Variants in LINGO2 observed in about 807,000 individuals in gnomAD.
The protein encoded by LINGO2 is leucine-rich repeat and immunoglobulin-like domain-containing nogo receptor-interacting protein 2.
In LINGO2, 14 loss-of-function variants were observed where a neutral mutation model predicts 30.6. That is an observed-to-expected ratio of 0.46 (90% confidence interval 0.30 to 0.72). The LOEUF (loss-of-function observed/expected upper bound fraction) is 0.72. LINGO2 is among the 30% of genes least tolerant of loss of function. LINGO2 has a pLI of 0.07. For missense variants in LINGO2, 729 were observed against 751.7 expected (o/e 0.97, Z 0.35); for synonymous variants, 317 against 288.5 (o/e 1.10, Z -1.00).
intron 5 of LINGO2, among the ~76,000 whole-genome samples, chr9:27,972,830 A>G (rs1229682241): frequency 1.3e-5 from 2 of 152,214 alleles, no homozygotes; most frequent in African/African-American, 4.8e-5. Context: ...ATACAAAATT[A>G]AACATCTAAG....
At chr9:28,835,677 C>CTG in the LINGO2 span, among the ~76,000 whole-genome samples, 1 of 152,178 alleles carries the variant, frequency 6.6e-6, no homozygotes, top group Non-Finnish European at 1.5e-5. Flanking sequence ...CCTATTTTGC[C>CTG]TGTCCAGCTT....
At chr9:28,532,945 T>C (rs780813092) in intron 1 of LINGO2, among the ~76,000 whole-genome samples, 9 of 152,258 alleles carry the variant, frequency 5.9e-5, no homozygotes, top group Middle Eastern at 3.4e-3. Context: ...GTTGATGACA[T>C]ACTTGGCTCT....
chr9:29,186,614 T>C, the LINGO2 span, among the ~76,000 whole-genome samples: 1 of 152,148 alleles, frequency 6.6e-6, no homozygotes, highest in African/African-American at 2.4e-5. Flanking sequence ...GACCTGCATT[T>C]GCACTAAGAT....
chr9:28,611,484 C>T (rs1825913869), intron 1 of LINGO2, among the ~76,000 whole-genome samples: 1 of 152,190 alleles, frequency 6.6e-6, no homozygotes, highest in South Asian at 2.1e-4. Flanking sequence ...ATCTCCAGAA[C>T]TTACTCATCC....
intron 4 of LINGO2, among the ~76,000 whole-genome samples, chr9:28,285,863 T>C (rs1564096084): frequency 6.6e-6 from 1 of 152,142 alleles, no homozygotes; most frequent in Non-Finnish European, 1.5e-5. Flanking sequence ...TTCTAATAAA[T>C]TCTACCCAGT....
chr9:28,426,802 G>T (rs1823433072), intron 2 of LINGO2, among the ~76,000 whole-genome samples: 1 of 151,912 alleles, frequency 6.6e-6, no homozygotes, highest in Admixed American at 6.6e-5. Flanking sequence ...AGCATTTCTG[G>T]TTGTTTTTAG....
the LINGO2 span, among the ~76,000 whole-genome samples, chr9:29,084,153 A>G: frequency 6.6e-6 from 1 of 151,684 alleles, no homozygotes; most frequent in South Asian, 2.1e-4. Flanking sequence ...TCAATTCATG[A>G]CAAAGGTGTC....
At chr9:28,370,130 C>T (rs1185092202) in intron 3 of LINGO2, among the ~76,000 whole-genome samples, 1 of 152,138 alleles carries the variant, frequency 6.6e-6, no homozygotes, top group Non-Finnish European at 1.5e-5. Flanking sequence ...TATTCCTAAT[C>T]TTTCTTCTGT....
chr9:28,397,647 A>C (rs1261447610), intron 2 of LINGO2, among the ~76,000 whole-genome samples: 1 of 144,828 alleles, frequency 6.9e-6, no homozygotes, highest in African/African-American at 2.6e-5. Context: ...TCCCGGGTTC[A>C]CACCATTCTC....
chr9:28,855,995 A>G, the LINGO2 span, among the ~76,000 whole-genome samples: 289 of 152,116 alleles, frequency 1.9e-3, 1 homozygote, highest in African/African-American at 6.4e-3. Context: ...TGAAAGCAAG[A>G]TAACTGGGAG....
chr9:29,018,715 T>C, the LINGO2 span, among the ~76,000 whole-genome samples: 20 of 152,152 alleles, frequency 1.3e-4, no homozygotes, highest in Non-Finnish European at 2.5e-4. Context: ...CTCTTAACCA[T>C]ATTTTATGCA....
intron 4 of LINGO2, among the ~76,000 whole-genome samples, chr9:28,061,290 G>C (rs1825135704): frequency 6.7e-6 from 1 of 150,164 alleles, no homozygotes; most frequent in Non-Finnish European, 1.5e-5. Flanking sequence ...ACGTCTATTG[G>C]GCACAATGCA....
At chr9:29,098,890 T>A in the LINGO2 span, among the ~76,000 whole-genome samples, 7,464 of 152,132 alleles carry the variant, frequency 0.049, 284 homozygotes, top group Admixed American at 0.067. Context: ...TCCTAAAATT[T>A]ATATGGAACC....
chr9:28,603,775 T>C (rs2135755639), intron 1 of LINGO2, among the ~76,000 whole-genome samples: 1 of 152,040 alleles, frequency 6.6e-6, no homozygotes, highest in East Asian at 1.9e-4. Context: ...ACAGTGTTAT[T>C]TGAATTTATT....
the LINGO2 span, among the ~76,000 whole-genome samples, chr9:28,771,571 G>T: frequency 6.6e-6 from 1 of 151,414 alleles, no homozygotes; most frequent in Non-Finnish European, 1.5e-5. Context: ...ATTAGTCAGA[G>T]TCCCAGTAAA....
At chr9:28,853,158 A>G in the LINGO2 span, among the ~76,000 whole-genome samples, 333 of 152,178 alleles carry the variant, frequency 2.2e-3, 1 homozygote, top group African/African-American at 7.7e-3. Flanking sequence ...AATTTGCATT[A>G]TTGTGGCTTC....
chr9:29,204,833 G>A, the LINGO2 span, among the ~76,000 whole-genome samples: 1 of 151,942 alleles, frequency 6.6e-6, no homozygotes, highest in South Asian at 2.1e-4. Flanking sequence ...CATTATAAAC[G>A]TTGAGTAAAA....
chr9:28,431,029 TGAGA>T (rs57751993), intron 2 of LINGO2, among the ~76,000 whole-genome samples: 3,394 of 129,362 alleles, frequency 0.026, 121 homozygotes, highest in African/African-American at 0.091. Context: ...GCATGAGTGA[TGAGA>T]GAGAGAGAGA....
chr9:28,752,599 A>C, the LINGO2 span, among the ~76,000 whole-genome samples: 1 of 152,216 alleles, frequency 6.6e-6, no homozygotes, highest in African/African-American at 2.4e-5. Flanking sequence ...TATATTTCAA[A>C]AGTCCTAGGC....
Sources: allele counts gnomAD v4.1 joint callset (sites outside exome capture counted in the v4.1 genomes callset), GRCh38; gene constraint gnomAD v4.1.1; transcripts MANE v1.5; gene names NCBI Gene and HGNC (gene_info 2026-07-23, HGNC 2026-07-21).